The following ATXN1 variants were observed in gnomAD, a reference collection of about 807,000 sequenced individuals.
ATXN1 encodes the protein ataxin 1, also known as ataxin-1.
In ATXN1, 8 loss-of-function variants were observed where a neutral mutation model predicts 56.4. That is an observed-to-expected ratio of 0.14 (90% CI 0.08 to 0.26). ATXN1 has a LOEUF of 0.26. Among genes scored for constraint, ATXN1 ranks in the 10% least tolerant of loss-of-function variants. ATXN1 has a pLI of 1.00. For synonymous variants in ATXN1, 514 were observed against 494.6 expected (o/e 1.04, Z -0.52); for missense variants, 987 against 1,106.5 (o/e 0.89, Z 1.53).
In ATXN1 at chr6:16,328,862, G is replaced by A. The variant is rs527551970; in HGVS notation, c.-160-392C>T. ...GAATTGCTTGAACCCAGGAGGCAGAGGTTGCAGTGAGCCGAGATTGCACCA... is the reference window on the plus strand; with the variant it reads ...GAATTGCTTGAACCCAGGAGGCAGAAGTTGCAGTGAGCCGAGATTGCACCA... On this transcript the variant is annotated intron_variant, in intron 6 of 7. Transcript: ENST00000436367. The surrounding 1 kb of genome is among the most constrained non-coding windows in gnomAD (Gnocchi z 6.2). 2.0e-5 allele frequency among the ~76,000 whole-genome samples: 3 copies of A among 152,302 alleles called. No homozygotes were observed. Among genetic ancestry groups the A allele is most frequent in the African/African-American group, 7.2e-5 (3 of 41,560 alleles).
chr6:16,526,486 C>T (rs890236379), intron 4 of ATXN1, among the ~76,000 whole-genome samples: 7 of 152,138 alleles, frequency 4.6e-5, no homozygotes, highest in African/African-American at 1.7e-4. Flanking sequence ...AGTAGGTGGC[C>T]GGACGCGGTG....
In ATXN1 at chr6:16,410,272, A is replaced by T. The variant is rs1758770225; in HGVS notation, c.-161+75700T>A. ...TGTACTTAATTGACATCTCTTTCTG[A>T]AGGAATTTACAATCCAGTTGATGAT... On this transcript the variant is annotated intron_variant, in intron 6 of 7. Transcript: ENST00000436367. This position sits in a 1 kb window ranked among gnomAD's most constrained non-coding sequence, Gnocchi z 4.6. Among the ~76,000 whole-genome samples the T allele has an allele frequency of 6.6e-6, 1 of 152,170 alleles. No individual in the cohort carries two copies. Among genetic ancestry groups the T allele is most frequent in the African/African-American group, 2.4e-5 (1 of 41,436 alleles).
intron 6 of ATXN1, among the ~76,000 whole-genome samples, chr6:16,406,099 G>A (rs902869888): frequency 6.6e-5 from 10 of 152,148 alleles, no homozygotes; most frequent in African/African-American, 2.4e-4. Flanking sequence ...TTCAACGTGA[G>A]GTCTTAAAAC....
At chr6:16,716,981 A>G (rs1165461650) in intron 2 of ATXN1, among the ~76,000 whole-genome samples, 2 of 152,214 alleles carry the variant, frequency 1.3e-5, no homozygotes, top group Non-Finnish European at 2.9e-5. Flanking sequence ...CCATTCCCCA[A>G]CCAAGAACTT....
At chr6:16,541,668 C>T (rs1472648730) in intron 4 of ATXN1, among the ~76,000 whole-genome samples, 3 of 152,184 alleles carry the variant, frequency 2.0e-5, no homozygotes, top group Non-Finnish European at 4.4e-5. Context: ...TTTTGCAAGG[C>T]ACAGTGCCGC....
chr6:16,683,148 T>C (rs1758849327), intron 2 of ATXN1, among the ~76,000 whole-genome samples: 2 of 152,230 alleles, frequency 1.3e-5, no homozygotes, highest in African/African-American at 2.4e-5. Context: ...CCAAAGAAGA[T>C]TCTTTTTGTA....
intron 5 of ATXN1, among the ~76,000 whole-genome samples, chr6:16,516,312 C>A (rs1185461560): frequency 6.6e-6 from 1 of 152,096 alleles, no homozygotes; most frequent in Non-Finnish European, 1.5e-5. Context: ...ATTCTTTTAC[C>A]CTACACGTTA....
At chr6:16,562,772 AG>A (rs1429668826) in intron 4 of ATXN1, among the ~76,000 whole-genome samples, 3 of 152,046 alleles carry the variant, frequency 2.0e-5, no homozygotes, top group African/African-American at 7.3e-5. Flanking sequence ...AAACATGTTG[AG>A]GTTAAAGAAA....
chr6:16,404,657 C>T (rs1391616863), intron 6 of ATXN1, among the ~76,000 whole-genome samples: 8 of 152,236 alleles, frequency 5.3e-5, no homozygotes, highest in Non-Finnish European at 1.0e-4. Context: ...GTCCCCAGCC[C>T]CCACCACATG....
intron 4 of ATXN1, among the ~76,000 whole-genome samples, chr6:16,546,922 T>G (rs1328068551): frequency 1.3e-5 from 2 of 152,222 alleles, no homozygotes; most frequent in African/African-American, 2.4e-5. Context: ...AAATGGAAGT[T>G]TCTATGAAAA....
chr6:16,707,790 A>T lies in ATXN1; in HGVS notation c.-615+45443T>A, dbSNP rs893682522. Among the ~76,000 whole-genome samples the T allele has an allele frequency of 2.0e-5, 3 of 152,194 alleles. No individual in the cohort carries two copies. The East Asian group carries it at 5.8e-4, about 29-fold the overall frequency. On this transcript the variant is annotated intron_variant, in intron 2 of 7. Transcript: ENST00000436367. Reference sequence around the variant, plus strand: ...AAAATTACTGATAATTTTTAGACATAAAGGAAACTATGTTTATACCTAAGT... The same window carrying T: ...AAAATTACTGATAATTTTTAGACATTAAGGAAACTATGTTTATACCTAAGT...
At chr6:16,391,316 A>T (rs1239630658) in intron 6 of ATXN1, among the ~76,000 whole-genome samples, 1 of 152,138 alleles carries the variant, frequency 6.6e-6, no homozygotes, top group African/African-American at 2.4e-5. Context: ...GCACCATCAA[A>T]ATTGTGCACA....
chr6:16,410,746 G>A lies in ATXN1; in HGVS notation c.-161+75226C>T, dbSNP rs575808641. 4.6e-5 allele frequency among the ~76,000 whole-genome samples: 7 copies of A among 152,282 alleles called. No homozygotes were observed. Among genetic ancestry groups the A allele is most frequent in the African/African-American group, 1.2e-4 (5 of 41,552 alleles). On this transcript the variant is annotated intron_variant, in intron 6 of 7. Coordinates refer to ENST00000436367, the MANE Select transcript of ATXN1 (RefSeq NM_001128164.2). The surrounding 1 kb of genome is among the most constrained non-coding windows in gnomAD (Gnocchi z 4.6). ...TCTATTCAGGTCATATACAACATCC[G>A]TGGAGCAAAGTGAATTTGAAGTTAA...
At chr6:16,568,643 G>A (rs1272657179) in intron 4 of ATXN1, among the ~76,000 whole-genome samples, 1 of 143,040 alleles carries the variant, frequency 7.0e-6, no homozygotes, top group Admixed American at 7.5e-5. Context: ...TTTCTTTTTC[G>A]GTACCTGGAA....
At chr6:16,526,126 T>A (rs938873533) in intron 4 of ATXN1, among the ~76,000 whole-genome samples, 1 of 150,114 alleles carries the variant, frequency 6.7e-6, no homozygotes, top group Non-Finnish European at 1.5e-5. Context: ...GCTGTCTCAT[T>A]TTTTTTACTT....
intron 6 of ATXN1, among the ~76,000 whole-genome samples, chr6:16,381,907 T>C (rs941974741): frequency 4.6e-5 from 7 of 152,254 alleles, no homozygotes; most frequent in Non-Finnish European, 1.0e-4. Context: ...CACTGACGTT[T>C]CTATACTGAT....
At chr6:16,586,194 A>T (rs1432835417) in intron 3 of ATXN1, among the ~76,000 whole-genome samples, 2 of 152,108 alleles carry the variant, frequency 1.3e-5, no homozygotes, top group African/African-American at 4.8e-5. Flanking sequence ...GGACACCACT[A>T]TCAAAATAAT....
chr6:16,555,588 G>A (rs148894756), intron 4 of ATXN1, among the ~76,000 whole-genome samples: 5 of 152,080 alleles, frequency 3.3e-5, no homozygotes, highest in African/African-American at 9.7e-5. Flanking sequence ...ACATGAGACC[G>A]GCTGTCAAAT....
intron 5 of ATXN1, among the ~76,000 whole-genome samples, chr6:16,493,378 G>C (rs2113665146): frequency 6.7e-6 from 1 of 149,948 alleles, no homozygotes; most frequent in African/African-American, 2.4e-5. Flanking sequence ...GACCTCCCAA[G>C]ACCAGCTCAA....
Sources: allele counts gnomAD v4.1 joint callset (sites outside exome capture counted in the v4.1 genomes callset), GRCh38; gene constraint gnomAD v4.1.1; non-coding constraint Gnocchi (gnomAD v3.1); transcripts MANE v1.5; gene names NCBI Gene and HGNC (gene_info 2026-07-23, HGNC 2026-07-21).